DMD: variants seen among roughly 807,000 people sequenced by gnomAD.
DMD encodes the protein mutant dystrophin.
Under a neutral mutation model 330.1 loss-of-function variants are expected in DMD, and 63 were observed. The observed-to-expected ratio is 0.19, with a 90% CI of 0.16 to 0.24. The LOEUF is 0.24. Ranked by LOEUF, DMD falls within the 10% of genes least tolerant of loss-of-function variation. The probability of loss-of-function intolerance (pLI) is 1.00; values close to 1 mark genes in which losing one functional copy is unlikely to be tolerated. For synonymous variants in DMD, 1,223 were observed against 959.8 expected (o/e 1.27, Z -5.07); for missense variants, 3,344 against 2,684.1 (o/e 1.25, Z -5.43).
intron 44 of DMD, among the ~76,000 whole-genome samples, chrX:32,183,577 T>A (rs1277621415): frequency 3.1e-5 from 3 of 98,262 alleles, no homozygotes; most frequent in Non-Finnish European, 4.1e-5. Flanking sequence ...TATAAATATA[T>A]ATATATATAT....
chrX:31,139,057 A>T (rs2035704743), intron 76 of DMD, among the ~76,000 whole-genome samples: 1 of 112,350 alleles, frequency 8.9e-6, no homozygotes, highest in African/African-American at 3.2e-5. Context: ...TGCCTGCTCA[A>T]ATAGCATATT....
At chrX:32,433,142 T>C (rs1441914814) in intron 29 of DMD, among the ~76,000 whole-genome samples, 2 of 112,343 alleles carry the variant, frequency 1.8e-5, no homozygotes, top group Non-Finnish European at 3.8e-5. Flanking sequence ...TAGTCAGCCA[T>C]AATACTTTTA....
intron 57 of DMD, among the ~76,000 whole-genome samples, chrX:31,484,860 A>G (rs1260674661): frequency 8.9e-6 from 1 of 112,183 alleles, no homozygotes; most frequent in Non-Finnish European, 1.9e-5. Context: ...TAGAGACTTA[A>G]TCTTTGTCAT....
intron 63 of DMD, among the ~76,000 whole-genome samples, chrX:31,249,515 C>G (rs2147451433): frequency 9.0e-6 from 1 of 111,390 alleles, no homozygotes; most frequent in East Asian, 2.8e-4. Flanking sequence ...AAAGTGTAGT[C>G]TTTTTTATCC....
chrX:32,288,862 G>A (rs2097454475), intron 42 of DMD, among the ~76,000 whole-genome samples: 3 of 111,167 alleles, frequency 2.7e-5, no homozygotes, highest in Non-Finnish European at 3.8e-5. Context: ...GTTTTTTCCT[G>A]CAATATAGAC....
chrX:31,434,343 C>T (rs991355084), intron 60 of DMD, among the ~76,000 whole-genome samples: 2 of 108,379 alleles, frequency 1.8e-5, no homozygotes, highest in Non-Finnish European at 3.8e-5. Flanking sequence ...CTTCAGATCT[C>T]GGTCAAAGGT....
intron 16 of DMD, among the ~76,000 whole-genome samples, chrX:32,558,419 G>A (rs2050572238): frequency 1.8e-5 from 2 of 111,855 alleles, no homozygotes; most frequent in African/African-American, 6.5e-5. Context: ...GTCTTTATGT[G>A]TTATTTCATT....
intron 2 of DMD, among the ~76,000 whole-genome samples, chrX:32,853,792 AAC>A (rs1213280265): frequency 5.6e-5 from 6 of 106,959 alleles, no homozygotes; most frequent in Non-Finnish European, 7.7e-5. Context: ...AAAAACAAAC[AAC>A]AACAACAACA....
intron 44 of DMD, among the ~76,000 whole-genome samples, chrX:32,080,918 T>C (rs1340236886): frequency 8.9e-6 from 1 of 112,209 alleles, no homozygotes; most frequent in Non-Finnish European, 1.9e-5. Context: ...GTTTGGTCAA[T>C]TGGGAAACAG....
rs186810029 is a variant in DMD at position 31,919,704 on chromosome X, G to A, written c.6912+9892C>T. On this transcript the variant is annotated intron_variant, in intron 47 of 78. Coordinates refer to ENST00000357033, the MANE Select transcript of DMD (RefSeq NM_004006.3). ...TAGCAACAAACAATGAAATGCTCTC[G>A]TCAATGTCTTGTAATTGGTTCTAAT... 3.2e-3 allele frequency among the ~76,000 whole-genome samples: 356 copies of A among 112,134 alleles called. 1 individual carries two copies. Among genetic ancestry groups the A allele is most frequent in the African/African-American group, 0.011 (340 of 30,848 alleles).
At chrX:32,595,974 C>A in intron 12 of DMD, 98 bp from the exon 13 acceptor site, 1 of 785,057 alleles carries the variant, frequency 1.3e-6, no homozygotes. Flanking sequence ...TCTGCTACAT[C>A]TCAGGTACTC....
intron 11 of DMD, among the ~76,000 whole-genome samples, chrX:32,641,296 C>A (rs2059431792): frequency 9.2e-6 from 1 of 108,762 alleles, no homozygotes. Flanking sequence ...TTCATGAGAT[C>A]TGGGGCCAGA....
chrX:32,402,407 G>T (rs1363433760), intron 30 of DMD, among the ~76,000 whole-genome samples: 1 of 111,220 alleles, frequency 9.0e-6, no homozygotes, highest in Non-Finnish European at 1.9e-5. Flanking sequence ...GAAATTTATA[G>T]AGTCATGTAT....
chrX:32,513,244 G>A (rs577573105), intron 18 of DMD, among the ~76,000 whole-genome samples: 10 of 112,087 alleles, frequency 8.9e-5, no homozygotes, highest in Non-Finnish European at 1.9e-4. Context: ...TAACTGAAGT[G>A]CCAAGCCAGC....
At chrX:32,636,856 A>G (rs778268121) in intron 11 of DMD, among the ~76,000 whole-genome samples, 1 of 109,357 alleles carries the variant, frequency 9.1e-6, no homozygotes, top group Non-Finnish European at 1.9e-5. Context: ...AAGTTAGCCG[A>G]GCGTGGTGGC....
chrX:33,245,428 T>C (rs1369759339), intron 1 of DMD, among the ~76,000 whole-genome samples: 5 of 112,302 alleles, frequency 4.5e-5, no homozygotes, highest in Non-Finnish European at 7.5e-5. Flanking sequence ...CATTTATTTA[T>C]GTTCTTTGTT....
chrX:32,369,431 A>G (rs1426869946), intron 34 of DMD, among the ~76,000 whole-genome samples: 2 of 111,631 alleles, frequency 1.8e-5, no homozygotes, highest in Admixed American at 9.5e-5. Flanking sequence ...GGGTTCAGCT[A>G]TCGGCTCACT....
intron 43 of DMD, among the ~76,000 whole-genome samples, chrX:32,268,100 C>A (rs2124745): frequency 0.31 from 34,107 of 110,146 alleles, 4,448 homozygotes; most frequent in East Asian, 0.54. Context: ...AACACAAATA[C>A]GCAGAAGAGT....
At chrX:31,996,254 G>A (rs1356802047) in intron 44 of DMD, among the ~76,000 whole-genome samples, 1 of 112,064 alleles carries the variant, frequency 8.9e-6, no homozygotes, top group Non-Finnish European at 1.9e-5. Context: ...AGTAGGTAAA[G>A]TGGTTCTCAA....
Sources: gnomAD v4.1 joint callset for allele counts (sites outside exome capture counted in the v4.1 genomes callset) on GRCh38, gnomAD v4.1.1 for gene constraint, MANE v1.5 for transcripts, NCBI Gene and HGNC (gene_info 2026-07-23, HGNC 2026-07-21) for gene names.